The following ELF2 variants were observed in gnomAD, a reference collection of about 807,000 sequenced individuals.
ELF2 encodes ETS-related transcription factor Elf-2.
Under a neutral mutation model 54.8 loss-of-function variants are expected in ELF2, and 11 were observed. That is an observed-to-expected ratio of 0.20 (90% confidence interval 0.13 to 0.33). The LOEUF is 0.33. Ranked by LOEUF, ELF2 falls within the 10% of genes least tolerant of loss-of-function variation. ELF2 has a pLI of 1.00. For synonymous variants in ELF2, 203 were observed against 245.1 expected (o/e 0.83, Z 1.61); for missense variants, 513 against 703.0 (o/e 0.73, Z 3.06).
rs1158781184 is a variant in ELF2 at position 139,134,313 on chromosome 4, T to C, written c.72+3317A>G. On this transcript the variant is annotated intron_variant, in intron 3 of 9. Coordinates refer to ENST00000686138, the MANE Select transcript of ELF2 (RefSeq NM_001331036.3). ...TTAAAAAAAAAATTGATTATGGCATTCTACCATTTATACACTGCTAGATTT... is the reference window on the plus strand; with the variant it reads ...TTAAAAAAAAAATTGATTATGGCATCCTACCATTTATACACTGCTAGATTT... Among the ~76,000 whole-genome samples the C allele has an allele frequency of 2.0e-5, 3 of 152,164 alleles. No homozygotes were observed. In the East Asian group the frequency reaches 5.8e-4, roughly 29 times the overall value.
chr4:139,100,191 T>C (rs1310668235), intron 4 of ELF2, among the ~76,000 whole-genome samples: 3 of 152,080 alleles, frequency 2.0e-5, no homozygotes, highest in African/African-American at 7.2e-5. Context: ...GGGTTGAGAG[T>C]GTGAAATATG....
chr4:139,141,843 T>G (rs1373980426), intron 1 of ELF2, among the ~76,000 whole-genome samples: 6 of 152,196 alleles, frequency 3.9e-5, no homozygotes, highest in Non-Finnish European at 8.8e-5. Flanking sequence ...AATCTACTCC[T>G]ACAGCTTCAC....
chr4:139,090,743 T>C (rs898754773), intron 4 of ELF2, among the ~76,000 whole-genome samples: 1 of 152,060 alleles, frequency 6.6e-6, no homozygotes, highest in African/African-American at 2.4e-5. Flanking sequence ...TACAAGCACA[T>C]GCCACCATAC....
intron 2 of ELF2, among the ~76,000 whole-genome samples, chr4:139,138,690 T>C (rs1324011218): frequency 6.6e-6 from 1 of 152,202 alleles, no homozygotes; most frequent in East Asian, 1.9e-4. Flanking sequence ...ATTCACACTT[T>C]GAATACAGGA....
At chr4:139,084,471 T>TGGCGGC (rs1230899863) in intron 4 of ELF2, 3 of 1,078,286 alleles carry the variant, frequency 2.8e-6, no homozygotes, top group South Asian at 3.9e-5. Context: ...GCTGTGGCTG[T>TGGCGGC]GGCGGCCGCC....
At chr4:139,169,749 C>T (rs1001410949) in intron 1 of ELF2, among the ~76,000 whole-genome samples, 1 of 150,024 alleles carries the variant, frequency 6.7e-6, no homozygotes, top group Admixed American at 6.7e-5. Flanking sequence ...CCCAGCTACT[C>T]GGGAGGCTGA....
intron 1 of ELF2, among the ~76,000 whole-genome samples, chr4:139,153,686 A>C (rs1159012487): frequency 6.6e-6 from 1 of 152,174 alleles, no homozygotes; most frequent in African/African-American, 2.4e-5. Context: ...AATTCTGTTT[A>C]ATTTCACCCT....
intron 1 of ELF2, among the ~76,000 whole-genome samples, chr4:139,164,763 A>C (rs547759056): frequency 9.8e-5 from 15 of 152,326 alleles, no homozygotes; most frequent in South Asian, 6.2e-4. Flanking sequence ...TGTTTCTTTA[A>C]GTTTTTAAAC....
At chr4:139,136,323 T>A (rs946088165) in intron 3 of ELF2, among the ~76,000 whole-genome samples, 1 of 152,054 alleles carries the variant, frequency 6.6e-6, no homozygotes, top group Non-Finnish European at 1.5e-5. Context: ...TTGAGTCCAC[T>A]GAGAAAAGAA....
chr4:139,122,478 A>G (rs1327772687), intron 4 of ELF2, among the ~76,000 whole-genome samples: 4 of 134,512 alleles, frequency 3.0e-5, no homozygotes, highest in Non-Finnish European at 6.3e-5. Flanking sequence ...TTAAAAATGC[A>G]TTTGATTCTT....
intron 6 of ELF2, 29 bp downstream of exon 6, chr4:139,071,837 C>A: frequency 6.5e-7 from 1 of 1,548,644 alleles, no homozygotes; most frequent in South Asian, 1.2e-5. Context: ...TTTCACCTGC[C>A]TTCTCAGAAA....
At chr4:139,109,328 G>A (rs1441079858) in intron 4 of ELF2, among the ~76,000 whole-genome samples, 3 of 152,028 alleles carry the variant, frequency 2.0e-5, no homozygotes, top group Non-Finnish European at 4.4e-5. Context: ...GCACTACCAC[G>A]GCATGAGACG....
At chr4:139,127,044 T>C (rs555556737) in intron 3 of ELF2, among the ~76,000 whole-genome samples, 5 of 152,320 alleles carry the variant, frequency 3.3e-5, no homozygotes, top group East Asian at 3.9e-4. Flanking sequence ...ACGATAACCA[T>C]TGACCTTGTT....
chr4:139,137,839 A>G lies in ELF2; in HGVS notation c.-138T>C. On this transcript the variant is annotated 5_prime_UTR_variant, in exon 3 of 10. Transcript: ENST00000686138. Reference sequence around the variant, plus strand: ...GAGTGGAGTAGATATCCAGAAATCCAGTCTTCTAAAGATGATTAACCAGAA... The same window carrying G: ...GAGTGGAGTAGATATCCAGAAATCCGGTCTTCTAAAGATGATTAACCAGAA... 1 of 1,369,012 alleles carries G rather than the reference A, an allele frequency of 7.3e-7. No homozygotes were observed. Among genetic ancestry groups the G allele is most frequent in the Non-Finnish European group, 9.4e-7 (1 of 1,060,974 alleles). 84.8% of individuals were successfully genotyped at this position (1,369,012 alleles called of 1,614,324 possible).
intron 4 of ELF2, among the ~76,000 whole-genome samples, chr4:139,088,803 G>C (rs1732270582): frequency 6.6e-6 from 1 of 151,750 alleles, no homozygotes; most frequent in African/African-American, 2.4e-5. Flanking sequence ...TTGTTGCCCA[G>C]GCTGGAGTGC....
At chr4:139,086,974 C>T (rs1732047839) in intron 4 of ELF2, among the ~76,000 whole-genome samples, 1 of 152,086 alleles carries the variant, frequency 6.6e-6, no homozygotes. Flanking sequence ...GATCATAACT[C>T]CTAAAAGTAA....
intron 4 of ELF2, among the ~76,000 whole-genome samples, chr4:139,074,722 T>C (rs984471825): frequency 4.7e-5 from 7 of 148,112 alleles, no homozygotes; most frequent in African/African-American, 1.8e-4. Flanking sequence ...ATCACACCAT[T>C]GCACTCCAGC....
intron 4 of ELF2, among the ~76,000 whole-genome samples, chr4:139,076,453 C>A (rs371393239): frequency 6.6e-6 from 1 of 151,544 alleles, no homozygotes; most frequent in Non-Finnish European, 1.5e-5. Context: ...AAAAAAAAAA[C>A]CTTCAATTCT....
intron 4 of ELF2, among the ~76,000 whole-genome samples, chr4:139,109,351 A>C (rs1035305785): frequency 1.3e-5 from 2 of 152,190 alleles, no homozygotes; most frequent in Non-Finnish European, 1.5e-5. Context: ...CAGCATTAAG[A>C]AGCAGCAGAC....
Sources: gnomAD v4.1 joint callset for allele counts (sites outside exome capture counted in the v4.1 genomes callset) on GRCh38, gnomAD v4.1.1 for gene constraint, MANE v1.5 for transcripts, NCBI Gene and HGNC (gene_info 2026-07-23, HGNC 2026-07-21) for gene names.